LACTB2: variants seen among roughly 807,000 people sequenced by gnomAD.
The protein encoded by LACTB2 is lactamase beta 2.
In LACTB2, 32 loss-of-function variants were observed where a neutral mutation model predicts 34.8. The observed-to-expected ratio is 0.92, with a 90% CI of 0.69 to 1.24. The LOEUF is 1.24. Among genes scored for constraint, LACTB2 ranks in the 50% most tolerant of loss-of-function variants. The probability of loss-of-function intolerance (pLI) is 0.00; values close to 1 mark genes in which losing one functional copy is unlikely to be tolerated. For missense variants in LACTB2, 320 were observed against 345.0 expected, an observed-to-expected ratio of 0.93 and a Z score of 0.57; for synonymous variants, 120 against 117.5, an observed-to-expected ratio of 1.02 and a Z score of -0.14.
Position 70,642,394 on chromosome 8 carries a change from C to T in LACTB2, c.593-1344G>A, listed in dbSNP as rs1175921306. Among the ~76,000 whole-genome samples the T allele has an allele frequency of 4.6e-5, 7 of 151,870 alleles. No homozygotes were observed. The East Asian group carries it at 7.7e-4, about 17-fold the overall frequency. On this transcript the variant is annotated intron_variant, in intron 4 of 6. Transcript: ENST00000276590. Reference sequence around the variant, plus strand: ...AAATGTGTTGAAGATACTGGATGGACGGATCTTTCAATGGCTTGGTTAATC... The same window carrying T: ...AAATGTGTTGAAGATACTGGATGGATGGATCTTTCAATGGCTTGGTTAATC...
intron 4 of LACTB2, among the ~76,000 whole-genome samples, chr8:70,642,823 A>G (rs1818216139): frequency 6.6e-6 from 1 of 152,164 alleles, no homozygotes; most frequent in Non-Finnish European, 1.5e-5. Context: ...TTGATATTGT[A>G]GAACAGTCTA....
rs759798942 is a variant in LACTB2, at chr8:70,669,132, C to T, written c.-12G>A. On this transcript the variant is annotated 5_prime_UTR_variant, in exon 1 of 7. Transcript: ENST00000276590. ...AGTACAGCAGCCATTCCCGCCTCAG[C>T]CGCCCGCCGGCGTGTCGCCTATCTG... The T allele has an allele frequency of 2.5e-6, 4 of 1,608,812 alleles. No homozygotes were observed. In the South Asian group the frequency reaches 4.4e-5, roughly 18 times the overall value.
At chr8:70,638,388 T>C (rs779262683) in intron 6 of LACTB2, among the ~76,000 whole-genome samples, 160 bp downstream of exon 6, 9 of 152,210 alleles carry the variant, frequency 5.9e-5, no homozygotes, top group Non-Finnish European at 1.0e-4. Flanking sequence ...TGTGGTCCAC[T>C]GGCCCTGTGC....
intron 1 of LACTB2, chr8:70,663,341 C>T (rs1225265551): frequency 1.3e-5 from 2 of 152,134 alleles, no homozygotes; most frequent in Non-Finnish European, 2.9e-5. Context: ...TCCCTGAGAC[C>T]CAGAGCCAAC....
At chr8:70,663,979 C>T (rs1159590489) in intron 1 of LACTB2, among the ~76,000 whole-genome samples, 1 of 152,138 alleles carries the variant, frequency 6.6e-6, no homozygotes, top group Admixed American at 6.6e-5. Context: ...TAGCATTGTG[C>T]ATATTTAGTT....
intron 3 of LACTB2, among the ~76,000 whole-genome samples, chr8:70,650,546 A>G (rs1013126985): frequency 5.3e-5 from 8 of 152,132 alleles, no homozygotes; most frequent in Non-Finnish European, 1.0e-4. Flanking sequence ...CCTGGCCAAC[A>G]TGGCGAAACC....
chr8:70,648,654 G>A (rs900740367), intron 3 of LACTB2, among the ~76,000 whole-genome samples: 1 of 152,112 alleles, frequency 6.6e-6, no homozygotes, highest in Non-Finnish European at 1.5e-5. Context: ...GCACAAAAGA[G>A]ATGAGAGAAA....
intron 3 of LACTB2, among the ~76,000 whole-genome samples, chr8:70,645,733 G>A (rs887275005): frequency 1.4e-5 from 2 of 147,348 alleles, no homozygotes; most frequent in African/African-American, 5.0e-5. Context: ...CTATGAGTGA[G>A]AACATGTGGT....
intron 1 of LACTB2, among the ~76,000 whole-genome samples, chr8:70,666,833 A>T (rs1383536122): frequency 6.6e-6 from 1 of 152,208 alleles, no homozygotes; most frequent in African/African-American, 2.4e-5. Flanking sequence ...GATATGAACA[A>T]CTGAAGGAGG....
chr8:70,641,178 T>C, intron 4 of LACTB2, 128 bp from the exon 5 acceptor site: 1 of 871,876 alleles, frequency 1.1e-6, no homozygotes. Flanking sequence ...ATGTCAAATA[T>C]GAACTATTTG....
chr8:70,642,054 G>A (rs1818205061), intron 4 of LACTB2, among the ~76,000 whole-genome samples: 1 of 152,154 alleles, frequency 6.6e-6, no homozygotes, highest in Non-Finnish European at 1.5e-5. Context: ...TTAATATATG[G>A]TAGCTATGGC....
rs188839395 is a variant in LACTB2 at position 70,664,405 on chromosome 8, T to C, written c.123-2508A>G. On this transcript the variant is annotated intron_variant, in intron 1 of 6. Coordinates refer to ENST00000276590, the MANE Select transcript of LACTB2 (RefSeq NM_016027.3). ...GATACATGAATTTGATAAAATCTAG[T>C]AGCAAAGAAAACAGATCTTTTAGAA... is the stretch of plus-strand genomic sequence containing the variant. 3.3e-5 allele frequency among the ~76,000 whole-genome samples: 5 copies of C among 152,312 alleles called. No homozygotes were observed. The East Asian group carries it at 7.7e-4, about 23-fold the overall frequency.
chr8:70,662,144 G>A (rs574845051), intron 1 of LACTB2: 8 of 303,526 alleles, frequency 2.6e-5, no homozygotes, highest in Non-Finnish European at 4.9e-5. Flanking sequence ...CATTTACATA[G>A]CAATTAAAAT....
intron 1 of LACTB2, 123 bp downstream of exon 1, chr8:70,668,876 C>T: frequency 7.4e-7 from 1 of 1,358,670 alleles, no homozygotes; most frequent in Non-Finnish European, 9.9e-7. Context: ...GGCTGCTAGG[C>T]GCGGGGCTGC....
intron 3 of LACTB2, chr8:70,653,946 G>C (rs1056422797): frequency 2.8e-4 from 42 of 152,132 alleles, no homozygotes; most frequent in African/African-American, 1.0e-3. Context: ...TTTTGGGACT[G>C]TATGGGACCA....
chr8:70,643,976 C>G (rs1458492226), intron 4 of LACTB2, 89 bp downstream of exon 4: 1 of 1,294,656 alleles, frequency 7.7e-7, no homozygotes, highest in Non-Finnish European at 1.0e-6. Flanking sequence ...TGCTTGAGGT[C>G]AGGAGTTTGA....
At chr8:70,643,975 T>G in intron 4 of LACTB2, 90 bp downstream of exon 4, 1 of 1,287,592 alleles carries the variant, frequency 7.8e-7, no homozygotes, top group South Asian at 2.2e-5. Flanking sequence ...CTGCTTGAGG[T>G]CAGGAGTTTG....
intron 1 of LACTB2, among the ~76,000 whole-genome samples, chr8:70,668,267 CCAGTAAAGACTA>C (rs1818563667): frequency 6.6e-6 from 1 of 152,168 alleles, no homozygotes; most frequent in Non-Finnish European, 1.5e-5. Flanking sequence ...CTGGGTTCAT[CCAGTAAAGACTA>C]CAAAAGTTGC....
intron 3 of LACTB2, among the ~76,000 whole-genome samples, chr8:70,651,283 C>A (rs1313284688): frequency 6.6e-6 from 1 of 152,040 alleles, no homozygotes; most frequent in Non-Finnish European, 1.5e-5. Flanking sequence ...ATATTGCAAA[C>A]AATTACTATA....
Sources: gnomAD v4.1 joint callset for allele counts (sites outside exome capture counted in the v4.1 genomes callset) on GRCh38, gnomAD v4.1.1 for gene constraint, MANE v1.5 for transcripts, NCBI Gene and HGNC (gene_info 2026-07-23, HGNC 2026-07-21) for gene names.